MCM9: variants seen among roughly 807,000 people sequenced by gnomAD.
MCM9 encodes DNA helicase MCM9.
MCM9 carries 55 observed loss-of-function variants against 72.8 expected under a neutral mutation model. The ratio of observed to expected loss-of-function variants is 0.76; its 90% CI spans 0.61 to 0.95. The LOEUF is 0.95. Ranked by LOEUF, MCM9 falls within the 40% of genes least tolerant of loss-of-function variation. MCM9 has a pLI of 0.00. For missense variants in MCM9, 1,279 were observed against 1,377.0 expected (o/e 0.93, Z 1.13); for synonymous variants, 480 against 503.4 (o/e 0.95, Z 0.62).
At chr6:118,933,422 C>T (rs1488087483) in intron 1 of MCM9, among the ~76,000 whole-genome samples, 1 of 151,320 alleles carries the variant, frequency 6.6e-6, no homozygotes, top group Non-Finnish European at 1.5e-5. Context: ...AGGAGAATGG[C>T]GTGAACCCGG....
In MCM9 at chr6:118,925,500, A is replaced by G. The variant is rs190389972; in HGVS notation, c.305-1373T>C. Among the ~76,000 whole-genome samples, 74 of 152,328 alleles carry G rather than the reference A, an allele frequency of 4.9e-4. 2 individuals carry two copies. The highest frequency in any genetic ancestry group is 4.1e-3 in the Admixed American group (62 of 15,296). On this transcript the variant is annotated intron_variant, in intron 3 of 13. Coordinates refer to ENST00000619706, the MANE Select transcript of MCM9 (RefSeq NM_017696.3). ...AGAGTAACTGAATGTTTAAGGTGCC[A>G]GGCTATGTTAACCTACTGTTACAGG...
Position 118,895,877 on chromosome 6 carries a change from T to C in MCM9, c.1150+15773A>G, listed in dbSNP as rs149206915. On this transcript the variant is annotated intron_variant, in intron 8 of 13. Transcript: ENST00000619706. ...ACTAGTTTTTAATCTCTAAAATGTA[T>C]ATATCATATGTAAGGTTAATTTTAA... 7.1e-3 allele frequency among the ~76,000 whole-genome samples: 1,075 copies of C among 152,260 alleles called. 10 individuals are homozygous for C. Among genetic ancestry groups the C allele is most frequent in the African/African-American group, 0.024 (1,013 of 41,558 alleles).
intron 9 of MCM9, among the ~76,000 whole-genome samples, chr6:118,848,819 G>A (rs1371022159): frequency 6.6e-6 from 1 of 152,124 alleles, no homozygotes; most frequent in East Asian, 1.9e-4. Flanking sequence ...AGCTTCAGGA[G>A]GCTGAGACAG....
At chr6:118,844,461 AC>A (rs1775719880) in intron 9 of MCM9, among the ~76,000 whole-genome samples, 1 of 151,788 alleles carries the variant, frequency 6.6e-6, no homozygotes, top group African/African-American at 2.4e-5. Flanking sequence ...AGGGGTACAT[AC>A]AAACAACCCC....
chr6:118,921,246 A>T (rs765833747), intron 5 of MCM9: 1 of 152,146 alleles, frequency 6.6e-6, no homozygotes, highest in Non-Finnish European at 1.5e-5. Flanking sequence ...GGCCCATGTT[A>T]GACACCTCTA....
chr6:118,846,035 G>A (rs2114642560), intron 9 of MCM9, among the ~76,000 whole-genome samples: 1 of 151,748 alleles, frequency 6.6e-6, no homozygotes, highest in South Asian at 2.1e-4. Flanking sequence ...ATGTGGTTCA[G>A]AAATGAGTAA....
chr6:118,886,644 T>C (rs982667096), intron 8 of MCM9, among the ~76,000 whole-genome samples: 1 of 152,158 alleles, frequency 6.6e-6, no homozygotes, highest in Non-Finnish European at 1.5e-5. Flanking sequence ...TAATCAAGAA[T>C]GTACAAAGCT....
chr6:118,830,395 C>T (rs1217321524), intron 9 of MCM9, among the ~76,000 whole-genome samples: 1 of 152,098 alleles, frequency 6.6e-6, no homozygotes, highest in Non-Finnish European at 1.5e-5. Flanking sequence ...CACAAGAAGA[C>T]ACTGATTAAA....
intron 8 of MCM9, among the ~76,000 whole-genome samples, chr6:118,868,175 A>T (rs2114290961): frequency 6.6e-6 from 1 of 152,242 alleles, no homozygotes; most frequent in East Asian, 1.9e-4. Context: ...GCACTCAGCC[A>T]ATTAATTATA....
rs771908754 is a variant in MCM9 at position 118,815,740 on chromosome 6, ACTGAGT to A, written c.2510_2515del (p.Asp837_Ser838del). On this transcript the variant is annotated inframe_deletion, in exon 14 of 14. Coordinates refer to ENST00000619706, the MANE Select transcript of MCM9 (RefSeq NM_017696.3). ...GTTCCTGGGGACATGATGAGTCAGT[ACTGAGT>A]CTGGTTTATCAGCAGAGACTGCTGC... 1.0e-5 allele frequency: 16 copies of A among 1,544,222 alleles called. No individual in the cohort carries two copies. In the South Asian group the frequency reaches 1.7e-4, roughly 16 times the overall value.
intron 9 of MCM9, among the ~76,000 whole-genome samples, chr6:118,848,464 C>T (rs959467845): frequency 3.9e-5 from 6 of 151,956 alleles, no homozygotes; most frequent in East Asian, 1.9e-4. Flanking sequence ...ACAGCCACTC[C>T]CATCTGTTTA....
chr6:118,924,591 G>A (rs968632003), intron 3 of MCM9, among the ~76,000 whole-genome samples: 5 of 152,110 alleles, frequency 3.3e-5, no homozygotes, highest in Non-Finnish European at 5.9e-5. Context: ...GTTCCACAGC[G>A]CTAGAAAGTT....
intron 8 of MCM9, among the ~76,000 whole-genome samples, chr6:118,876,576 G>A (rs1217922038): frequency 6.6e-6 from 1 of 152,142 alleles, no homozygotes; most frequent in South Asian, 2.1e-4. Flanking sequence ...AGCAAAAACT[G>A]TTGTGACCCT....
intron 8 of MCM9, among the ~76,000 whole-genome samples, chr6:118,875,893 G>C (rs1349181967): frequency 6.6e-6 from 1 of 152,200 alleles, no homozygotes; most frequent in East Asian, 1.9e-4. Flanking sequence ...GTTTACATAA[G>C]GCACTGGAAA....
chr6:118,829,868 GAAAC>G (rs67721799), intron 9 of MCM9, among the ~76,000 whole-genome samples: 8,668 of 151,870 alleles, frequency 0.057, 347 homozygotes, highest in East Asian at 0.19. Context: ...AAACACGAAA[GAAAC>G]AAAAAAGAGA....
At chr6:118,852,006 C>T (rs1233643805) in intron 9 of MCM9, among the ~76,000 whole-genome samples, 1 of 152,132 alleles carries the variant, frequency 6.6e-6, no homozygotes, top group Non-Finnish European at 1.5e-5. Context: ...TGTTCTGTTG[C>T]AAGCATCATA....
chr6:118,882,273 G>C (rs1778337987), intron 8 of MCM9, among the ~76,000 whole-genome samples: 1 of 152,368 alleles, frequency 6.6e-6, no homozygotes, highest in South Asian at 2.1e-4. Context: ...ACCAGGGGGA[G>C]AGAGAGTCCA....
intron 9 of MCM9, among the ~76,000 whole-genome samples, chr6:118,851,301 A>C (rs1352595054): frequency 6.6e-6 from 1 of 151,878 alleles, no homozygotes; most frequent in African/African-American, 2.4e-5. Context: ...AGAGGAGACC[A>C]TAAGAACCCA....
intron 9 of MCM9, among the ~76,000 whole-genome samples, chr6:118,837,998 C>G (rs1439300904): frequency 6.6e-6 from 1 of 152,064 alleles, no homozygotes; most frequent in Non-Finnish European, 1.5e-5. Context: ...TGGCTGGTAC[C>G]AGTTTTTCCT....
Sources: gnomAD v4.1 joint callset for allele counts (sites outside exome capture counted in the v4.1 genomes callset) on GRCh38, gnomAD v4.1.1 for gene constraint, MANE v1.5 for transcripts, NCBI Gene and HGNC (gene_info 2026-07-23, HGNC 2026-07-21) for gene names.